Variants in SYN3 observed in about 807,000 individuals in gnomAD.
The protein encoded by SYN3 is synapsin III, also known as synapsin-3.
In SYN3, 35 loss-of-function variants were observed where a neutral mutation model predicts 65.8. That is an observed-to-expected ratio of 0.53 (90% confidence interval 0.41 to 0.70). SYN3 has a LOEUF of 0.70. SYN3 is among the 30% of genes least tolerant of loss of function. SYN3 has a pLI of 0.00. For synonymous variants in SYN3, 270 were observed against 292.9 expected (o/e 0.92, Z 0.80); for missense variants, 680 against 749.0 (o/e 0.91, Z 1.08).
chr22:32,814,139 TGTGA>T (rs1173499539), intron 6 of SYN3, among the ~76,000 whole-genome samples: 5 of 90,516 alleles, frequency 5.5e-5, no homozygotes, highest in African/African-American at 8.8e-5. Flanking sequence ...TGTGTGTGTG[TGTGA>T]GAGAGAGAGA....
intron 6 of SYN3, among the ~76,000 whole-genome samples, chr22:32,834,968 G>C (rs1339422882): frequency 6.6e-6 from 1 of 152,222 alleles, no homozygotes; most frequent in Non-Finnish European, 1.5e-5. Flanking sequence ...TTCAGCCAGG[G>C]TCTTTGCAGT....
In SYN3 at chr22:32,508,190, A is replaced by G. The variant is rs1264098523; in HGVS notation, c.*5502T>C. Among the ~76,000 whole-genome samples, 1 of 152,186 alleles carries G rather than the reference A, an allele frequency of 6.6e-6. No homozygotes were observed. The highest frequency in any genetic ancestry group is 2.4e-5 in the African/African-American group (1 of 41,442). ...AAGTGAAAAGGCCCTGCCCCGCCTT[A>G]ACTGATGACATTCCACCATTGTGAT... On this transcript the variant is annotated 3_prime_UTR_variant, in exon 14 of 14. Transcript: ENST00000358763.
intron 6 of SYN3, among the ~76,000 whole-genome samples, chr22:32,754,881 T>G (rs1361529990): frequency 6.6e-6 from 1 of 152,120 alleles, no homozygotes; most frequent in Non-Finnish European, 1.5e-5. Flanking sequence ...CTCCAGAAAT[T>G]CTCCCTATCT....
At chr22:32,937,908 A>G (rs1269001903) in intron 3 of SYN3, among the ~76,000 whole-genome samples, 3 of 152,234 alleles carry the variant, frequency 2.0e-5, no homozygotes, top group African/African-American at 7.2e-5. Flanking sequence ...TAAATAGTCT[A>G]ATATATGAGT....
At chr22:32,826,444 A>G (rs2047415130) in intron 6 of SYN3, among the ~76,000 whole-genome samples, 1 of 152,086 alleles carries the variant, frequency 6.6e-6, no homozygotes, top group African/African-American at 2.4e-5. Context: ...AAATAAATAA[A>G]TAAATAAACA....
intron 6 of SYN3, among the ~76,000 whole-genome samples, chr22:32,611,968 G>A (rs1033968608): frequency 6.6e-6 from 1 of 152,082 alleles, no homozygotes; most frequent in Non-Finnish European, 1.5e-5. Flanking sequence ...AATTCTTCAT[G>A]CCTATGTGAT....
At chr22:32,610,969 T>C (rs1373044936) in intron 6 of SYN3, among the ~76,000 whole-genome samples, 1 of 152,254 alleles carries the variant, frequency 6.6e-6, no homozygotes, top group Non-Finnish European at 1.5e-5. Flanking sequence ...GTATGGATGG[T>C]GTCTGACGTT....
At chr22:32,850,817 C>T (rs1357379829) in intron 6 of SYN3, among the ~76,000 whole-genome samples, 1 of 152,136 alleles carries the variant, frequency 6.6e-6, no homozygotes, top group Non-Finnish European at 1.5e-5. Flanking sequence ...CTGGAAACTC[C>T]CCAGAGGAGA....
At chr22:32,779,166 T>C (rs984882407) in intron 6 of SYN3, among the ~76,000 whole-genome samples, 3 of 152,152 alleles carry the variant, frequency 2.0e-5, no homozygotes, top group African/African-American at 7.2e-5. Flanking sequence ...GGATTTAAAA[T>C]ATGAAGCAAC....
intron 6 of SYN3, among the ~76,000 whole-genome samples, chr22:32,640,067 C>T (rs1436906304): frequency 2.6e-5 from 4 of 152,220 alleles, no homozygotes; most frequent in African/African-American, 7.2e-5. Flanking sequence ...TGCCTATTTA[C>T]CTTTGCACCT....
intron 6 of SYN3, among the ~76,000 whole-genome samples, chr22:32,714,055 G>A (rs1291883870): frequency 1.3e-5 from 2 of 152,150 alleles, no homozygotes; most frequent in Non-Finnish European, 2.9e-5. Flanking sequence ...CACAGCTCAG[G>A]ACAATGGTCT....
intron 10 of SYN3, 47 bp from the exon 11 acceptor site, chr22:32,529,055 T>C (rs2058028235): frequency 6.2e-7 from 1 of 1,611,344 alleles, no homozygotes; most frequent in Admixed American, 1.7e-5. Flanking sequence ...CCAGGAGAGA[T>C]GGCGGTTGGG....
intron 6 of SYN3, among the ~76,000 whole-genome samples, chr22:32,740,300 A>G (rs1019700151): frequency 6.6e-6 from 1 of 152,214 alleles, no homozygotes; most frequent in African/African-American, 2.4e-5. Flanking sequence ...TGGAACATGA[A>G]TAAGGAGCTG....
intron 6 of SYN3, among the ~76,000 whole-genome samples, chr22:32,687,798 A>G (rs1465156693): frequency 3.9e-5 from 6 of 151,944 alleles, no homozygotes; most frequent in Admixed American, 1.3e-4. Flanking sequence ...ATCTCTCCCT[A>G]TTGTTAATTC....
chr22:32,930,875 T>C (rs1601718664), intron 4 of SYN3: 1 of 152,972 alleles, frequency 6.5e-6, no homozygotes, highest in Middle Eastern at 3.4e-3. Context: ...AACAGATTTC[T>C]GAACATATTA....
At chr22:32,911,775 T>C (rs2050058448) in intron 4 of SYN3, among the ~76,000 whole-genome samples, 1 of 151,996 alleles carries the variant, frequency 6.6e-6, no homozygotes, top group African/African-American at 2.4e-5. Flanking sequence ...GGTGACAGCC[T>C]CTCCTCTGAC....
chr22:32,837,812 C>G lies in SYN3; in HGVS notation c.711+27103G>C, dbSNP rs1462791520. Among the ~76,000 whole-genome samples, 1 of 152,168 alleles carries G rather than the reference C, an allele frequency of 6.6e-6. No individual in the cohort carries two copies. Among genetic ancestry groups the G allele is most frequent in the African/African-American group, 2.4e-5 (1 of 41,438 alleles). On this transcript the variant is annotated intron_variant, in intron 6 of 13. Transcript: ENST00000358763. This position sits in a 1 kb window ranked among gnomAD's most constrained non-coding sequence, Gnocchi z 4.1. ...CACTGTCCCATGTTGGAGCAAGACCCAACCTACCAAGCTGGGAGTTACCGC... is the reference window on the plus strand; with the variant it reads ...CACTGTCCCATGTTGGAGCAAGACCGAACCTACCAAGCTGGGAGTTACCGC...
chr22:32,991,385 CA>C (rs1369866219), intron 2 of SYN3, among the ~76,000 whole-genome samples: 1 of 112,800 alleles, frequency 8.9e-6, no homozygotes, highest in East Asian at 2.6e-4. Context: ...AATAATAGAA[CA>C]TTCATATAAA....
intron 2 of SYN3, among the ~76,000 whole-genome samples, chr22:32,993,865 A>C (rs1189577229): frequency 2.0e-5 from 3 of 152,174 alleles, no homozygotes; most frequent in Non-Finnish European, 4.4e-5. Context: ...AAAGGCAGCC[A>C]AGAAGAGAGA....
Sources: gnomAD v4.1 joint callset for allele counts (sites outside exome capture counted in the v4.1 genomes callset) on GRCh38, gnomAD v4.1.1 for gene constraint, Gnocchi (gnomAD v3.1) non-coding constraint, MANE v1.5 for transcripts, NCBI Gene and HGNC (gene_info 2026-07-23, HGNC 2026-07-21) for gene names.